Variants in MRC1 observed in about 807,000 individuals in gnomAD.
MRC1 encodes the protein macrophage mannose receptor 1.
A neutral mutation model predicts 102.9 loss-of-function variants in MRC1; 62 were observed. The observed-to-expected ratio is 0.60, with a 90% CI of 0.49 to 0.74. The LOEUF is 0.74. MRC1 is among the 30% of genes least tolerant of loss of function. MRC1 has a pLI of 0.00. For missense variants in MRC1, 1,237 were observed against 862.8 expected (o/e 1.43, Z -5.43); for synonymous variants, 457 against 298.4 (o/e 1.53, Z -5.48).
At chr10:17,849,535 C>T (rs782118142) in intron 6 of MRC1, 44 bp from the exon 7 acceptor site, 14 of 750,410 alleles carry the variant, frequency 1.9e-5, no homozygotes, top group South Asian at 1.1e-4. Flanking sequence ...TAGTTTTAAT[C>T]AAATCTTTTA....
intron 1 of MRC1, among the ~76,000 whole-genome samples, chr10:17,812,799 C>T (rs1838245459): frequency 6.6e-6 from 1 of 152,004 alleles, no homozygotes; most frequent in Non-Finnish European, 1.5e-5. Flanking sequence ...TCTTGAACTC[C>T]TGACCTCGTG....
chr10:17,892,277 G>T (rs1453542334), intron 22 of MRC1, among the ~76,000 whole-genome samples: 1 of 152,142 alleles, frequency 6.6e-6, no homozygotes, highest in Non-Finnish European at 1.5e-5. Flanking sequence ...GTCTCTCTAG[G>T]ACTGCCTCCC....
At chr10:17,828,782 G>A (rs1030557689) in intron 3 of MRC1, among the ~76,000 whole-genome samples, 9 of 151,422 alleles carry the variant, frequency 5.9e-5, no homozygotes, top group Admixed American at 5.2e-4. Context: ...AAGCAGTATC[G>A]CATTATCTTA....
At position 17,867,642 on chromosome 10, in the gene MRC1, C is replaced by CA. The variant is rs1833295847; in HGVS notation, c.1983+884dup. Among the ~76,000 whole-genome samples, 9 of 152,192 alleles carry CA rather than the reference C, an allele frequency of 5.9e-5. No homozygotes were observed. In the South Asian group the frequency reaches 1.9e-3, roughly 32 times the overall value. On this transcript the variant is annotated intron_variant, in intron 12 of 29. Transcript: ENST00000569591. Reference sequence around the variant, plus strand: ...CTCACTATGTTGCCCAGGCTAGTCTCAAACTCCTCGTGTCAATTGATCCTC... The same window carrying CA: ...CTCACTATGTTGCCCAGGCTAGTCTCAAAACTCCTCGTGTCAATTGATCCTC...
chr10:17,819,636 G>A (rs1838365969), intron 1 of MRC1, among the ~76,000 whole-genome samples: 1 of 152,102 alleles, frequency 6.6e-6, no homozygotes, highest in South Asian at 2.1e-4. Flanking sequence ...AGTTGATATT[G>A]CAGTTTGAGA....
At chr10:17,906,109 G>T (rs1157030143) in intron 26 of MRC1, among the ~76,000 whole-genome samples, 1 of 151,774 alleles carries the variant, frequency 6.6e-6, no homozygotes, top group Non-Finnish European at 1.5e-5. Context: ...ATAACAGCTG[G>T]ATTCTAATAA....
In MRC1 at chr10:17,853,117, A is replaced by G; in HGVS notation, c.1400A>G (p.Lys467Arg). ...NNRQEDCVVMKGKDGYWADRG... is the reference protein window; with the variant it reads ...NNRQEDCVVMRGKDGYWADRG... The stretch of plus-strand genomic sequence containing the variant: ...AGACAGGAGGATTGTGTGGTGATGA[A>G]AGGCAAGGTAAGGCCACTTGAATGA... The change falls in exon 8 of 30, where the codon AAA becomes AGA. Residue 467 changes from lysine (K) to arginine (R), a missense_variant. Lys to Arg is a conservative substitution (Grantham distance 26). Transcript: ENST00000569591. 2.6e-6 allele frequency: 2 copies of G among 780,850 alleles called. No individual in the cohort carries two copies. Among genetic ancestry groups the G allele is most frequent in the Non-Finnish European group, 4.8e-6 (2 of 417,938 alleles). The allele number at this position is 780,850 out of a possible 1,614,324, so 48.4% of individuals were successfully genotyped here. A position where few individuals can be genotyped will look rare whatever the true frequency, so the allele number is the denominator to read the frequency against.
chr10:17,831,301 C>T (rs1438607300), intron 3 of MRC1, among the ~76,000 whole-genome samples: 1 of 151,280 alleles, frequency 6.6e-6, no homozygotes, highest in Non-Finnish European at 1.5e-5. Flanking sequence ...TGAATGGTCT[C>T]ACCGACATAC....
At chr10:17,865,794 G>T (rs1833258030) in intron 11 of MRC1, among the ~76,000 whole-genome samples, 1 of 152,148 alleles carries the variant, frequency 6.6e-6, no homozygotes, top group South Asian at 2.1e-4. Context: ...GGGAATCAGA[G>T]ATTTCAGAGA....
Position 17,909,178 on chromosome 10 carries a change from C to A in MRC1, c.4079-128C>A, listed in dbSNP as rs1285035912. ...ACCTGTATTTTTATATCTATCATAT[C>A]ATAATATCATATATCAATCAACACA... On this transcript the variant is annotated intron_variant, in intron 28 of 29. Transcript: ENST00000569591. The A allele has an allele frequency of 1.3e-5, 9 of 681,426 alleles. No individual in the cohort carries two copies. The East Asian group carries it at 2.2e-4, about 16-fold the overall frequency. The allele number at this position is 681,426 out of a possible 1,614,324, so 42.2% of individuals were successfully genotyped here.
intron 5 of MRC1, among the ~76,000 whole-genome samples, chr10:17,843,233 G>T (rs797033801): frequency 0.56 from 84,340 of 151,878 alleles, 23,450 homozygotes; most frequent in South Asian, 0.62. Flanking sequence ...AAATGTATTT[G>T]TTTGAAAGTT....
At chr10:17,827,429 C>G in intron 2 of MRC1, 113 bp from the exon 3 acceptor site, 1 of 477,208 alleles carries the variant, frequency 2.1e-6, no homozygotes, top group Non-Finnish European at 4.0e-6. Context: ...TCTGTGGGTG[C>G]ATCAAGTGTA....
chr10:17,839,475 T>C (rs1453854204), intron 4 of MRC1, among the ~76,000 whole-genome samples: 4 of 144,492 alleles, frequency 2.8e-5, no homozygotes, highest in Non-Finnish European at 6.2e-5. Flanking sequence ...TTTAAGTTAG[T>C]ACAACTTTAA....
intron 17 of MRC1, among the ~76,000 whole-genome samples, chr10:17,876,149 T>A (rs1337325330): frequency 6.6e-6 from 1 of 152,032 alleles, no homozygotes; most frequent in African/African-American, 2.4e-5. Context: ...CCTCCAAAGG[T>A]CAAGGTAAAG....
At chr10:17,892,323 A>G (rs887442891) in intron 22 of MRC1, among the ~76,000 whole-genome samples, 6 of 152,294 alleles carry the variant, frequency 3.9e-5, no homozygotes, top group African/African-American at 1.4e-4. Context: ...TAATTTTCAA[A>G]CTTGTCCACA....
At chr10:17,846,241 A>T (rs1554840221) in intron 6 of MRC1, among the ~76,000 whole-genome samples, 1 of 152,078 alleles carries the variant, frequency 6.6e-6, no homozygotes, top group East Asian at 1.9e-4. Flanking sequence ...CTAGACTTCA[A>T]GAAAAAAAAA....
chr10:17,879,440 C>T (rs1429365107), intron 18 of MRC1, among the ~76,000 whole-genome samples: 6 of 152,250 alleles, frequency 3.9e-5, no homozygotes, highest in South Asian at 4.1e-4. Flanking sequence ...CTGCAGCCTC[C>T]GCCTCCCAGT....
Position 17,900,809 on chromosome 10 carries a change from A to G in MRC1, c.3505A>G (p.Thr1169Ala), listed in dbSNP as rs2130717546. The G allele has an allele frequency of 5.1e-6, 4 of 780,754 alleles. No individual in the cohort carries two copies. Among genetic ancestry groups the G allele is most frequent in the South Asian group, 4.0e-5 (3 of 74,610 alleles). The allele number at this position is 780,754 out of a possible 1,614,324, so 48.4% of individuals were successfully genotyped here. The change falls in exon 25 of 30, where the codon ACT becomes GCT. Residue 1169 changes from threonine (T) to alanine (A), a missense_variant. Transcript: ENST00000569591. ...GCAGACTGATAATCAATACACTTGG[A>G]CTGATAAGTGGAGGGTGAGGTACAC... ...SNLTDNQYTW[T>A]DKWRVRYTNW...
chr10:17,833,338 TAGAG>T (rs1159455552), intron 3 of MRC1, among the ~76,000 whole-genome samples: 41 of 151,928 alleles, frequency 2.7e-4, no homozygotes, highest in Non-Finnish European at 4.7e-4. Flanking sequence ...CTGGGCCACA[TAGAG>T]AGACTACATT....
Sources: gnomAD v4.1 joint callset for allele counts (sites outside exome capture counted in the v4.1 genomes callset) on GRCh38, gnomAD v4.1.1 for gene constraint, MANE v1.5 for transcripts, NCBI Gene and HGNC (gene_info 2026-07-23, HGNC 2026-07-21) for gene names.